The following GRXCR1 variants were observed in gnomAD, a reference collection of about 807,000 sequenced individuals.
The protein encoded by GRXCR1 is glutaredoxin domain-containing cysteine-rich protein 1.
In GRXCR1, 27 loss-of-function variants were observed where a neutral mutation model predicts 27.3. The ratio of observed to expected loss-of-function variants is 0.99; its 90% CI spans 0.73 to 1.37. The LOEUF (loss-of-function observed/expected upper bound fraction) is 1.37. Ranked by LOEUF, GRXCR1 falls within the 40% of genes most tolerant of loss-of-function variation. GRXCR1 has a pLI of 0.00. For synonymous variants in GRXCR1, 122 were observed against 131.1 expected (o/e 0.93, Z 0.47); for missense variants, 379 against 354.4 (o/e 1.07, Z -0.56).
chr4:42,979,748 T>A lies in GRXCR1; in HGVS notation c.627+16614T>A, dbSNP rs143551021. On this transcript the variant is annotated intron_variant, in intron 2 of 3. Transcript: ENST00000399770. ...GTGTGTGGGGCAGGTAGAATTGGTG[T>A]TAGTTCTTTAAAAGTTAGGTAGAAT... Among the ~76,000 whole-genome samples the A allele has an allele frequency of 3.3e-3, 497 of 152,134 alleles. 5 individuals are homozygous for A. The highest frequency in any genetic ancestry group is 0.01 in the African/African-American group (416 of 41,554).
At chr4:42,932,812 G>C (rs776129678) in intron 1 of GRXCR1, among the ~76,000 whole-genome samples, 1 of 151,420 alleles carries the variant, frequency 6.6e-6, no homozygotes, top group Non-Finnish European at 1.5e-5. Context: ...AACTTTAAAA[G>C]AGGTTAAGTG....
intron 1 of GRXCR1, among the ~76,000 whole-genome samples, chr4:42,927,711 A>G (rs1287158011): frequency 6.6e-6 from 1 of 152,008 alleles, no homozygotes; most frequent in Non-Finnish European, 1.5e-5. Flanking sequence ...TCTTTTGGAA[A>G]CCTTGGAGAC....
chr4:42,999,248 G>A (rs1712271995), intron 2 of GRXCR1, among the ~76,000 whole-genome samples: 1 of 152,100 alleles, frequency 6.6e-6, no homozygotes. Flanking sequence ...CTCATTTCTG[G>A]TTTCTCTGCA....
intron 2 of GRXCR1, among the ~76,000 whole-genome samples, chr4:42,983,747 C>T (rs987626614): frequency 6.6e-6 from 1 of 151,808 alleles, no homozygotes; most frequent in Non-Finnish European, 1.5e-5. Flanking sequence ...ATCCTGTTAA[C>T]TTTTTAAAAT....
intron 2 of GRXCR1, among the ~76,000 whole-genome samples, chr4:42,992,576 T>A (rs968452266): frequency 2.6e-5 from 4 of 152,112 alleles, no homozygotes; most frequent in African/African-American, 9.7e-5. Flanking sequence ...AGAGTGATAA[T>A]CAGATTTGTT....
intron 2 of GRXCR1, among the ~76,000 whole-genome samples, chr4:43,008,832 A>G (rs150708336): frequency 2.2e-4 from 34 of 152,330 alleles, no homozygotes; most frequent in East Asian, 5.8e-4. Flanking sequence ...TTGTTTCCCT[A>G]TTTTTAAGAC....
At chr4:42,999,466 C>G (rs2050789414) in intron 2 of GRXCR1, among the ~76,000 whole-genome samples, 1 of 152,236 alleles carries the variant, frequency 6.6e-6, no homozygotes, top group African/African-American at 2.4e-5. Context: ...CACATACTGT[C>G]ACCTCATCCT....
chr4:43,026,659 T>C (rs1010578468), intron 3 of GRXCR1, among the ~76,000 whole-genome samples: 7 of 152,174 alleles, frequency 4.6e-5, no homozygotes, highest in African/African-American at 7.2e-5. Flanking sequence ...AAAACTACTA[T>C]CATAGAGGGA....
intron 2 of GRXCR1, among the ~76,000 whole-genome samples, chr4:43,006,135 C>A (rs1223995477): frequency 6.6e-6 from 1 of 152,188 alleles, no homozygotes; most frequent in Non-Finnish European, 1.5e-5. Context: ...ATTTCCCATG[C>A]CTGTCTTTAC....
At chr4:43,019,267 A>G (rs1713027335) in intron 2 of GRXCR1, among the ~76,000 whole-genome samples, 1 of 152,184 alleles carries the variant, frequency 6.6e-6, no homozygotes, top group East Asian at 1.9e-4. Context: ...CCTGTGGGTT[A>G]GTTTTTTGTG....
intron 2 of GRXCR1, among the ~76,000 whole-genome samples, chr4:42,983,534 T>C (rs1711562102): frequency 6.6e-6 from 1 of 151,668 alleles, no homozygotes; most frequent in South Asian, 2.1e-4. Flanking sequence ...GACTTGGCGA[T>C]GCGGGCTCTT....
intron 3 of GRXCR1, among the ~76,000 whole-genome samples, chr4:43,029,302 T>A (rs1250023580): frequency 6.6e-6 from 1 of 152,180 alleles, no homozygotes; most frequent in Non-Finnish European, 1.5e-5. Flanking sequence ...TATGTGTCAA[T>A]ATGTTAAGCA....
chr4:42,989,241 C>T (rs1711880247), intron 2 of GRXCR1, among the ~76,000 whole-genome samples: 1 of 152,190 alleles, frequency 6.6e-6, no homozygotes, highest in African/African-American at 2.4e-5. Flanking sequence ...GATTTGGTTT[C>T]TCCTGAGGCC....
chr4:42,932,607 TATATATATATATAGAG>T (rs1220642841), intron 1 of GRXCR1, among the ~76,000 whole-genome samples: 50 of 55,272 alleles, frequency 9.0e-4, no homozygotes, highest in East Asian at 1.1e-3. Flanking sequence ...TATATATATA[TATATATATATATAGAG>T]AGAGAGAGAG....
chr4:42,948,378 A>C (rs568357764), intron 1 of GRXCR1, among the ~76,000 whole-genome samples: 1 of 152,208 alleles, frequency 6.6e-6, no homozygotes, highest in Admixed American at 6.5e-5. Context: ...CCATTTCTTC[A>C]GTAGCATCTT....
intron 2 of GRXCR1, among the ~76,000 whole-genome samples, chr4:42,963,346 A>T (rs1748171388): frequency 6.6e-6 from 1 of 152,032 alleles, no homozygotes; most frequent in Admixed American, 6.6e-5. Context: ...TAAAATCAAC[A>T]AGAAACTGCA....
chr4:42,965,470 T>C (rs192293110), intron 2 of GRXCR1, among the ~76,000 whole-genome samples: 2 of 152,188 alleles, frequency 1.3e-5, no homozygotes, highest in Admixed American at 1.3e-4. Context: ...CGATTGTAAA[T>C]GGAATACATT....
chr4:43,005,879 C>T (rs1277098865), intron 2 of GRXCR1, among the ~76,000 whole-genome samples: 1 of 152,166 alleles, frequency 6.6e-6, no homozygotes, highest in African/African-American at 2.4e-5. Flanking sequence ...ATGCTAGGCA[C>T]CAGTTATACA....
intron 2 of GRXCR1, among the ~76,000 whole-genome samples, chr4:43,006,078 T>C (rs1338023936): frequency 1.3e-5 from 2 of 152,340 alleles, no homozygotes; most frequent in African/African-American, 4.8e-5. Flanking sequence ...ACATACATTG[T>C]AAAGATTTCA....
Sources: gnomAD v4.1 joint callset for allele counts (sites outside exome capture counted in the v4.1 genomes callset) on GRCh38, gnomAD v4.1.1 for gene constraint, MANE v1.5 for transcripts, NCBI Gene and HGNC (gene_info 2026-07-23, HGNC 2026-07-21) for gene names.